Variants in NEDD4L observed in about 807,000 individuals in gnomAD.
NEDD4L encodes the protein NEDD4 like E3 ubiquitin protein ligase.
NEDD4L carries 54 observed loss-of-function variants against 148.9 expected under a neutral mutation model. The ratio of observed to expected loss-of-function variants is 0.36; its 90% CI spans 0.29 to 0.45. NEDD4L has a LOEUF of 0.45. Among genes scored for constraint, NEDD4L ranks in the 20% least tolerant of loss-of-function variants. The probability of loss-of-function intolerance (pLI) is 1.00; values close to 1 mark genes in which losing one functional copy is unlikely to be tolerated. For missense variants in NEDD4L, 856 were observed against 1,233.8 expected (o/e 0.69, Z 4.59); for synonymous variants, 433 against 440.7 (o/e 0.98, Z 0.22).
In NEDD4L at chr18:58,341,088, A is replaced by G; in HGVS notation, c.1176A>G (p.Glu392=). The G allele has an allele frequency of 6.2e-7, 1 of 1,611,944 alleles. No homozygotes were observed. Among genetic ancestry groups the G allele is most frequent in the Non-Finnish European group, 8.5e-7 (1 of 1,179,014 alleles). The change falls in exon 14 of 31, where the codon GAA becomes GAG. Residue 392 remains glutamate (E), a synonymous_variant. Coordinates refer to ENST00000400345, the MANE Select transcript of NEDD4L (RefSeq NM_001144967.3). ...HTTPGLPSGW[E]ERKDAKGRTY... ...CGCCGGGTCTGCCTTCAGGCTGGGAAGAAAGAAAAGATGCTAAGGGGCGCA... is the reference window on the plus strand; with the variant it reads ...CGCCGGGTCTGCCTTCAGGCTGGGAGGAAAGAAAAGATGCTAAGGGGCGCA...
intron 30 of NEDD4L, among the ~76,000 whole-genome samples, chr18:58,395,402 A>G (rs923119730): frequency 1.3e-5 from 2 of 152,156 alleles, no homozygotes; most frequent in Admixed American, 1.3e-4. Flanking sequence ...CTTGGCACTC[A>G]TATGTGCAGT....
intron 2 of NEDD4L, among the ~76,000 whole-genome samples, chr18:58,188,436 C>T (rs369153442): frequency 1.6e-4 from 24 of 152,370 alleles, no homozygotes; most frequent in African/African-American, 5.1e-4. Flanking sequence ...CAGGAACCAC[C>T]GAGTGGGTCC....
chr18:58,095,015 T>A (rs1209781266), intron 1 of NEDD4L, among the ~76,000 whole-genome samples: 1 of 152,130 alleles, frequency 6.6e-6, no homozygotes, highest in Non-Finnish European at 1.5e-5. Context: ...CATTAGACGA[T>A]CTAGATATGT....
At chr18:58,136,500 G>A (rs1399469385) in intron 1 of NEDD4L, among the ~76,000 whole-genome samples, 2 of 152,154 alleles carry the variant, frequency 1.3e-5, no homozygotes, top group Non-Finnish European at 2.9e-5. Context: ...TTTGATATGC[G>A]GGGAACCTGA....
At chr18:58,080,610 T>G (rs187434034) in intron 1 of NEDD4L, among the ~76,000 whole-genome samples, 222 of 152,338 alleles carry the variant, frequency 1.5e-3, no homozygotes, top group Admixed American at 2.0e-3. Context: ...ATGTACTTCA[T>G]TCCTGTACCT....
intron 5 of NEDD4L, among the ~76,000 whole-genome samples, chr18:58,304,471 G>C (rs2056846321): frequency 6.6e-6 from 1 of 152,150 alleles, no homozygotes; most frequent in African/African-American, 2.4e-5. Context: ...CTATGTTTGT[G>C]ACACTGCACT....
intron 2 of NEDD4L, among the ~76,000 whole-genome samples, chr18:58,199,972 A>G (rs2041207771): frequency 6.6e-6 from 1 of 152,208 alleles, no homozygotes; most frequent in African/African-American, 2.4e-5. Flanking sequence ...TGGGGACTCT[A>G]TCTTATCTTT....
At chr18:58,266,707 T>G (rs1056161541) in intron 5 of NEDD4L, among the ~76,000 whole-genome samples, 10 of 152,162 alleles carry the variant, frequency 6.6e-5, no homozygotes, top group Admixed American at 3.3e-4. Flanking sequence ...GAACTTGTGG[T>G]TGAAAATAAT....
intron 2 of NEDD4L, among the ~76,000 whole-genome samples, chr18:58,185,117 C>T (rs1291470072): frequency 1.3e-5 from 2 of 152,088 alleles, no homozygotes; most frequent in Non-Finnish European, 2.9e-5. Flanking sequence ...CAGTATGGTG[C>T]AAATGTGCAG....
At chr18:58,224,864 G>C (rs1198216250) in intron 2 of NEDD4L, among the ~76,000 whole-genome samples, 1 of 152,048 alleles carries the variant, frequency 6.6e-6, no homozygotes, top group Non-Finnish European at 1.5e-5. Flanking sequence ...GTTTTCACTT[G>C]ATTTGTTTAT....
intron 1 of NEDD4L, among the ~76,000 whole-genome samples, chr18:58,098,573 C>T (rs1046685319): frequency 5.3e-5 from 8 of 152,122 alleles, no homozygotes; most frequent in African/African-American, 1.7e-4. Flanking sequence ...TTTCCTCATC[C>T]GTATGATAGG....
chr18:58,229,724 G>A (rs1213098879), intron 2 of NEDD4L, among the ~76,000 whole-genome samples: 2 of 152,114 alleles, frequency 1.3e-5, no homozygotes, highest in Admixed American at 1.3e-4. Context: ...GGGCGCGGTG[G>A]CTCATGCCTG....
chr18:58,107,458 C>T (rs1338524845), intron 1 of NEDD4L, among the ~76,000 whole-genome samples: 1 of 152,194 alleles, frequency 6.6e-6, no homozygotes, highest in Non-Finnish European at 1.5e-5. Flanking sequence ...TGGCTGATTC[C>T]TGTAATCCCA....
intron 2 of NEDD4L, among the ~76,000 whole-genome samples, chr18:58,241,176 A>C (rs1038839030): frequency 5.3e-5 from 8 of 152,206 alleles, no homozygotes; most frequent in African/African-American, 1.9e-4. Context: ...GTCTTCTAAC[A>C]GGCTTTTTAT....
chr18:58,288,518 G>T (rs954502357), intron 5 of NEDD4L, among the ~76,000 whole-genome samples: 2 of 152,182 alleles, frequency 1.3e-5, no homozygotes, highest in Non-Finnish European at 2.9e-5. Context: ...TAGCGAAAAA[G>T]AACAGTGAGT....
intron 24 of NEDD4L, among the ~76,000 whole-genome samples, chr18:58,378,806 C>G (rs983794053): frequency 6.6e-6 from 1 of 152,200 alleles, no homozygotes; most frequent in African/African-American, 2.4e-5. Context: ...TCCATATGAG[C>G]CAAGCTGTTT....
At chr18:58,301,733 A>G (rs945973604) in intron 5 of NEDD4L, among the ~76,000 whole-genome samples, 3 of 152,174 alleles carry the variant, frequency 2.0e-5, no homozygotes, top group Non-Finnish European at 4.4e-5. Flanking sequence ...CGGTAGAAAC[A>G]TGGTGCGTAT....
intron 1 of NEDD4L, among the ~76,000 whole-genome samples, chr18:58,052,583 A>AT (rs1298811305): frequency 6.6e-6 from 1 of 151,582 alleles, no homozygotes; most frequent in Non-Finnish European, 1.5e-5. Context: ...CTACCAAGAG[A>AT]TTTTGTATTC....
chr18:58,234,333 T>C (rs545022366), intron 2 of NEDD4L, among the ~76,000 whole-genome samples: 2 of 100,854 alleles, frequency 2.0e-5, no homozygotes, highest in Admixed American at 1.4e-4. Flanking sequence ...CTTCTCTCCC[T>C]CCCTCCCTCC....
Sources: allele counts gnomAD v4.1 joint callset (sites outside exome capture counted in the v4.1 genomes callset), GRCh38; gene constraint gnomAD v4.1.1; transcripts MANE v1.5; gene names NCBI Gene and HGNC (gene_info 2026-07-23, HGNC 2026-07-21).